RWDD1: variants seen among roughly 807,000 people sequenced by gnomAD.
RWDD1 encodes the protein RWD domain containing 1.
In RWDD1, 17 loss-of-function variants were observed where a neutral mutation model predicts 31.6. That is an observed-to-expected ratio of 0.54 (90% CI 0.37 to 0.81). RWDD1 has a LOEUF of 0.81. Among genes scored for constraint, RWDD1 ranks in the 30% least tolerant of loss-of-function variants. The pLI is 0.00. For synonymous variants in RWDD1, 78 were observed against 94.2 expected (o/e 0.83, Z 0.99); for missense variants, 204 against 274.5 (o/e 0.74, Z 1.82).
Position 116,594,509 on chromosome 6 carries a change from G to T in RWDD1, c.*1408G>T, listed in dbSNP as rs1463747418. ...ACAGATTATTCTGATGCACAATCTG[G>T]GTTAAGAACCACTGTCCTGTAGTCG... On this transcript the variant is annotated 3_prime_UTR_variant, in exon 7 of 7. Coordinates refer to ENST00000466444, the MANE Select transcript of RWDD1 (RefSeq NM_015952.4). 1.3e-5 allele frequency: 2 copies of T among 151,996 alleles called. No homozygotes were observed. Among genetic ancestry groups the T allele is most frequent in the Non-Finnish European group, 2.9e-5 (2 of 67,990 alleles). The allele number at this position is 151,996 out of a possible 1,614,324, so 9.4% of individuals were successfully genotyped here.
Position 116,595,243 on chromosome 6 carries a change from T to C in RWDD1, c.*2142T>C, listed in dbSNP as rs1207382055. 6.6e-6 allele frequency: 1 copy of C among 152,238 alleles called. No individual in the cohort carries two copies. The highest frequency in any genetic ancestry group is 2.4e-5 in the African/African-American group (1 of 41,480). 9.4% of individuals were successfully genotyped at this position (152,238 alleles called of 1,614,324 possible). On this transcript the variant is annotated 3_prime_UTR_variant, in exon 7 of 7. Coordinates refer to ENST00000466444, the MANE Select transcript of RWDD1 (RefSeq NM_015952.4). ...ATCCACTTCATGTGATTTTTAAGAATAAATTTTATATATTTCTCCAGGTAT... is the reference window on the plus strand; with the variant it reads ...ATCCACTTCATGTGATTTTTAAGAACAAATTTTATATATTTCTCCAGGTAT...
intron 2 of RWDD1, 123 bp downstream of exon 2, chr6:116,580,483 A>C: frequency 1.9e-6 from 1 of 519,578 alleles, no homozygotes. Context: ...ATCTGCTATG[A>C]ATGTTGTATA....
Position 116,594,075 on chromosome 6 carries a change from T to A in RWDD1, c.*974T>A, listed in dbSNP as rs1775201471. ...AGAAGGGGAAGAGGCACTATGTGTG[T>A]AGAGATCACATGGCCAGAGAGTGAG... On this transcript the variant is annotated 3_prime_UTR_variant, in exon 7 of 7. Transcript: ENST00000466444. 1 of 151,600 alleles carries A rather than the reference T, an allele frequency of 6.6e-6. No individual in the cohort carries two copies. Among genetic ancestry groups the A allele is most frequent in the Admixed American group, 6.6e-5 (1 of 15,212 alleles). 9.4% of individuals were successfully genotyped at this position (151,600 alleles called of 1,614,324 possible).
At chr6:116,573,183 T>TA (rs1774776975) in intron 1 of RWDD1, among the ~76,000 whole-genome samples, 1 of 152,266 alleles carries the variant, frequency 6.6e-6, no homozygotes, top group Non-Finnish European at 1.5e-5. Flanking sequence ...TCTTTGGACA[T>TA]AAGCTATCCC....
At chr6:116,577,982 T>G (rs1264736984) in intron 1 of RWDD1, among the ~76,000 whole-genome samples, 2 of 152,194 alleles carry the variant, frequency 1.3e-5, no homozygotes, top group Non-Finnish European at 2.9e-5. Context: ...TCAAGTGCAT[T>G]TCCCTTCTCC....
intron 1 of RWDD1, among the ~76,000 whole-genome samples, chr6:116,576,795 A>G (rs1339200589): frequency 1.3e-5 from 2 of 152,238 alleles, no homozygotes; most frequent in African/African-American, 4.8e-5. Flanking sequence ...CCACATATGC[A>G]GAAACAGGAC....
chr6:116,572,669 A>G (rs1450427037), intron 1 of RWDD1, among the ~76,000 whole-genome samples: 3 of 152,196 alleles, frequency 2.0e-5, no homozygotes, highest in Admixed American at 6.5e-5. Flanking sequence ...AGGTGTGTGC[A>G]TTTACATTCC....
At chr6:116,591,946 C>T (rs968317918) in intron 6 of RWDD1, among the ~76,000 whole-genome samples, 6 of 152,200 alleles carry the variant, frequency 3.9e-5, no homozygotes, top group Admixed American at 6.5e-5. Context: ...GATACCTTTT[C>T]CTTTTCTGAT....
chr6:116,590,373 A>G lies in RWDD1; in HGVS notation c.516A>G (p.Glu172=), dbSNP rs1335612135. 1 of 1,596,892 alleles carries G rather than the reference A, an allele frequency of 6.3e-7. No individual in the cohort carries two copies. Residue 172 remains glutamate (E), a synonymous_variant, in exon 5 of 7, where the codon GAA becomes GAG. Coordinates refer to ENST00000466444, the MANE Select transcript of RWDD1 (RefSeq NM_015952.4). The part of the protein sequence containing the change: ...LLEIKKKRMK[E]EEQAGKNKLS... ...AAATTAAAAAGAAAAGGATGAAAGA[A>G]GAAGAACAAGCAGGAAAAAATAAAT...
In RWDD1 at chr6:116,580,357, G is replaced by C; in HGVS notation, c.136G>C (p.Glu46Gln). The C allele has an allele frequency of 6.3e-7, 1 of 1,594,964 alleles. No homozygotes were observed. The highest frequency in any genetic ancestry group is 1.3e-5 in the African/African-American group (1 of 74,634). ...GACGTCTGAGGCTGGAGAAAATGATGAAAGTAAGTCTTATAAAAAATACTT... is the reference window on the plus strand; with the variant it reads ...GACGTCTGAGGCTGGAGAAAATGATCAAAGTAAGTCTTATAAAAAATACTT... ...TVTSEAGENDETVQTTLKFTY... is the reference protein window; with the variant it reads ...TVTSEAGENDQTVQTTLKFTY... The change falls in exon 2 of 7, where the codon GAA (glutamate) becomes CAA (glutamine). Residue 46 changes from glutamate (E) to glutamine (Q), a missense_variant. By Grantham distance (29) the Glu-to-Gln change is conservative (BLOSUM62 2). Transcript: ENST00000466444.
At chr6:116,581,274 T>C (rs1562377280) in intron 2 of RWDD1, among the ~76,000 whole-genome samples, 2 of 152,096 alleles carry the variant, frequency 1.3e-5, no homozygotes, top group Admixed American at 1.3e-4. Flanking sequence ...CATTTAAAAT[T>C]TTCCTTTGTA....
chr6:116,581,109 A>G (rs1774940504), intron 2 of RWDD1, among the ~76,000 whole-genome samples: 1 of 152,112 alleles, frequency 6.6e-6, no homozygotes. Flanking sequence ...TGAGGTTTGC[A>G]TTCACACATT....
At chr6:116,586,818 A>G (rs984241461) in intron 3 of RWDD1, among the ~76,000 whole-genome samples, 4 of 152,208 alleles carry the variant, frequency 2.6e-5, no homozygotes, top group African/African-American at 7.2e-5. Flanking sequence ...AATTTCATAC[A>G]TATTGCTAAT....
intron 1 of RWDD1, among the ~76,000 whole-genome samples, chr6:116,574,735 C>T (rs547221746): frequency 1.2e-3 from 185 of 150,346 alleles, no homozygotes; most frequent in African/African-American, 4.4e-3. Flanking sequence ...CTCCTTCCTT[C>T]CTTCCTTCCA....
chr6:116,593,302 C>T lies in RWDD1; in HGVS notation c.*201C>T. On this transcript the variant is annotated 3_prime_UTR_variant, in exon 7 of 7. Transcript: ENST00000466444. ...GTTCAAGGCTTCTTACTGTTGAGCACAAGGTTACGTATTTAAAATCACCTA... is the reference window on the plus strand; with the variant it reads ...GTTCAAGGCTTCTTACTGTTGAGCATAAGGTTACGTATTTAAAATCACCTA... 1 of 456,688 alleles carries T rather than the reference C, an allele frequency of 2.2e-6. No homozygotes were observed. The highest frequency in any genetic ancestry group is 3.9e-5 in the East Asian group (1 of 25,900). 28.3% of individuals were successfully genotyped at this position (456,688 alleles called of 1,614,324 possible).
chr6:116,576,147 T>C (rs1021823279), intron 1 of RWDD1, among the ~76,000 whole-genome samples: 1 of 152,254 alleles, frequency 6.6e-6, no homozygotes, highest in Non-Finnish European at 1.5e-5. Context: ...GTAGTGTCCT[T>C]GGACAAATCA....
intron 2 of RWDD1, among the ~76,000 whole-genome samples, chr6:116,584,399 T>C (rs956056116): frequency 1.3e-5 from 2 of 152,148 alleles, no homozygotes; most frequent in Non-Finnish European, 2.9e-5. Flanking sequence ...TTTTTAAAAA[T>C]ATGTTGTATT....
At chr6:116,584,928 A>G (rs1775012935) in intron 3 of RWDD1, 71 bp downstream of exon 3, 2 of 1,237,502 alleles carry the variant, frequency 1.6e-6, no homozygotes, top group East Asian at 2.4e-5. Flanking sequence ...TAATTTCAAG[A>G]GTTAGAAAAT....
At chr6:116,589,054 T>G in intron 4 of RWDD1, 69 bp downstream of exon 4, 2 of 1,153,500 alleles carry the variant, frequency 1.7e-6, no homozygotes, top group Non-Finnish European at 2.2e-6. Flanking sequence ...GTTGGGTTTT[T>G]TTTTAATCAA....
Sources: gnomAD v4.1 joint callset for allele counts (sites outside exome capture counted in the v4.1 genomes callset) on GRCh38, gnomAD v4.1.1 for gene constraint, MANE v1.5 for transcripts, NCBI Gene and HGNC (gene_info 2026-07-23, HGNC 2026-07-21) for gene names.